Variants in DSCAM observed in about 807,000 individuals in gnomAD.
DSCAM encodes the protein DS cell adhesion molecule, also known as cell adhesion molecule DSCAM.
A neutral mutation model predicts 217.7 loss-of-function variants in DSCAM; 47 were observed. The ratio of observed to expected loss-of-function variants is 0.22; its 90% CI spans 0.17 to 0.28. DSCAM has a LOEUF of 0.28. Ranked by LOEUF, DSCAM falls within the 10% of genes least tolerant of loss-of-function variation. The pLI is 1.00. For synonymous variants in DSCAM, 1,056 were observed against 1,015.3 expected (o/e 1.04, Z -0.76); for missense variants, 2,080 against 2,618.3 (o/e 0.79, Z 4.49).
At chr21:40,818,066 G>A (rs1162915184) in intron 1 of DSCAM, among the ~76,000 whole-genome samples, 1 of 124,030 alleles carries the variant, frequency 8.1e-6, no homozygotes, top group Admixed American at 9.8e-5. Flanking sequence ...ACTGCAGTCC[G>A]CAGTCCGGCC....
chr21:40,775,469 A>G (rs1222440702), intron 1 of DSCAM, among the ~76,000 whole-genome samples: 2 of 152,190 alleles, frequency 1.3e-5, no homozygotes, highest in Non-Finnish European at 2.9e-5. Context: ...TTTGCCTTCC[A>G]TGTTGTCAGG....
At chr21:40,841,143 A>T (rs1208739626) in intron 1 of DSCAM, among the ~76,000 whole-genome samples, 1 of 152,178 alleles carries the variant, frequency 6.6e-6, no homozygotes, top group Non-Finnish European at 1.5e-5. Flanking sequence ...GATAATATGG[A>T]GGGAACTGAT....
chr21:40,023,446 T>C (rs980633886), intron 32 of DSCAM, among the ~76,000 whole-genome samples: 1 of 151,212 alleles, frequency 6.6e-6, no homozygotes, highest in Non-Finnish European at 1.5e-5. Flanking sequence ...ATCGCCACAC[T>C]GACTTCCACA....
At chr21:40,480,371 T>A (rs2075971927) in intron 3 of DSCAM, among the ~76,000 whole-genome samples, 1 of 152,228 alleles carries the variant, frequency 6.6e-6, no homozygotes. Flanking sequence ...CTCCTGGTAT[T>A]CTTCCCTTTA....
chr21:40,404,512 A>G (rs2075264414), intron 3 of DSCAM, among the ~76,000 whole-genome samples: 1 of 152,212 alleles, frequency 6.6e-6, no homozygotes, highest in Non-Finnish European at 1.5e-5. Context: ...TTTCTTTAAT[A>G]CAGCACAAGT....
intron 11 of DSCAM, among the ~76,000 whole-genome samples, chr21:40,213,966 C>A (rs945999833): frequency 1.3e-5 from 2 of 152,226 alleles, no homozygotes; most frequent in Non-Finnish European, 2.9e-5. Context: ...CCACTCAAAT[C>A]CACACCTACA....
intron 30 of DSCAM, among the ~76,000 whole-genome samples, chr21:40,046,666 C>A (rs1386987899): frequency 6.6e-6 from 1 of 151,980 alleles, no homozygotes; most frequent in East Asian, 1.9e-4. Context: ...TTACCCAGTC[C>A]CTTACATAAG....
chr21:40,256,832 T>C (rs1030380381), intron 11 of DSCAM, among the ~76,000 whole-genome samples: 2 of 152,148 alleles, frequency 1.3e-5, no homozygotes, highest in Admixed American at 1.3e-4. Context: ...AATCCACACC[T>C]TGTCAACTCG....
intron 3 of DSCAM, among the ~76,000 whole-genome samples, chr21:40,670,590 G>C (rs56324842): frequency 0.016 from 2,440 of 150,658 alleles, 62 homozygotes; most frequent in African/African-American, 0.056. Flanking sequence ...GAATCATATA[G>C]TATTTGTCTT....
intron 10 of DSCAM, among the ~76,000 whole-genome samples, chr21:40,293,919 C>T (rs1261661265): frequency 1.3e-5 from 2 of 152,094 alleles, no homozygotes; most frequent in Non-Finnish European, 2.9e-5. Context: ...AAGCCAGCAA[C>T]AATCATCAAA....
At chr21:40,029,821 A>ATATC (rs146507205) in intron 32 of DSCAM, among the ~76,000 whole-genome samples, 1,890 of 152,146 alleles carry the variant, frequency 0.012, 44 homozygotes, top group African/African-American at 0.044. Context: ...TCACTTACCT[A>ATATC]TATCTCCCTC....
chr21:40,330,539 G>A (rs1219634592), intron 8 of DSCAM, among the ~76,000 whole-genome samples: 1 of 151,598 alleles, frequency 6.6e-6, no homozygotes, highest in Non-Finnish European at 1.5e-5. Flanking sequence ...TTAAAGAAAG[G>A]TGTCTGCTTC....
At chr21:40,817,879 G>A (rs1309972783) in intron 1 of DSCAM, among the ~76,000 whole-genome samples, 2 of 151,450 alleles carry the variant, frequency 1.3e-5, no homozygotes, top group African/African-American at 2.4e-5. Context: ...GGTGGATCAT[G>A]AGGTCAGGAG....
At chr21:40,808,026 G>T (rs963419218) in intron 1 of DSCAM, among the ~76,000 whole-genome samples, 3 of 152,088 alleles carry the variant, frequency 2.0e-5, no homozygotes, top group African/African-American at 7.2e-5. Flanking sequence ...TGTTTGCAAA[G>T]AATTCAGAGC....
intron 3 of DSCAM, among the ~76,000 whole-genome samples, chr21:40,499,655 T>A (rs1470000393): frequency 6.6e-6 from 1 of 152,234 alleles, no homozygotes. Context: ...TCTAAGACAG[T>A]TGGGTTAAAG....
intron 3 of DSCAM, among the ~76,000 whole-genome samples, chr21:40,602,971 T>C (rs1362755028): frequency 0.016 from 1 of 62 alleles, no homozygotes; most frequent in African/African-American, 0.056. Context: ...TTCAATGTTA[T>C]AAGTTTTCTG....
intron 3 of DSCAM, among the ~76,000 whole-genome samples, chr21:40,638,270 T>C (rs1317470359): frequency 6.6e-6 from 1 of 152,166 alleles, no homozygotes; most frequent in Non-Finnish European, 1.5e-5. Flanking sequence ...AACTTTCAAA[T>C]GGAATTTCCC....
chr21:40,312,076 C>T lies in DSCAM; in HGVS notation c.2062+5G>A, dbSNP rs1286963841. 1 of 1,612,294 alleles carries T rather than the reference C, an allele frequency of 6.2e-7. No individual in the cohort carries two copies. Among genetic ancestry groups the T allele is most frequent in the South Asian group, 1.1e-5 (1 of 91,034 alleles). ...ATGCCACATGGCTCATGATCCTTTG[C>T]TCACCTCTGACAATCAACTGGCTTT... On this transcript the variant is annotated splice_donor_5th_base_variant and intron_variant, in intron 9 of 32. Transcript: ENST00000400454.
At chr21:40,845,029 C>T (rs2837857) in intron 1 of DSCAM, among the ~76,000 whole-genome samples, 46,267 of 151,964 alleles carry the variant, frequency 0.3, 9,067 homozygotes, top group African/African-American at 0.56. Flanking sequence ...CTTAGGAGGT[C>T]GCATTAGCAG....
Sources: gnomAD v4.1 joint callset for allele counts (sites outside exome capture counted in the v4.1 genomes callset) on GRCh38, gnomAD v4.1.1 for gene constraint, MANE v1.5 for transcripts, NCBI Gene and HGNC (gene_info 2026-07-23, HGNC 2026-07-21) for gene names.